The following SALL4 variants were observed in gnomAD, a reference collection of about 807,000 sequenced individuals.
SALL4 encodes spalt like transcription factor 4.
SALL4 carries 4 observed loss-of-function variants against 60.8 expected under a neutral mutation model. The observed-to-expected ratio is 0.07, with a 90% CI of 0.03 to 0.15. The LOEUF is 0.15. Ranked by LOEUF, SALL4 falls within the 10% of genes least tolerant of loss-of-function variation. The pLI is 1.00. For synonymous variants in SALL4, 580 were observed against 574.9 expected (o/e 1.01, Z -0.13); for missense variants, 1,178 against 1,394.7 (o/e 0.84, Z 2.48).
At chr20:51,798,478 T>C (rs2078091864) in intron 1 of SALL4, among the ~76,000 whole-genome samples, 1 of 152,054 alleles carries the variant, frequency 6.6e-6, no homozygotes, top group South Asian at 2.1e-4. Flanking sequence ...GGGGGGATTG[T>C]GGTGACTGGC....
At position 51,783,447 on chromosome 20, in the gene SALL4, G is replaced by A. The variant is rs2077967555; in HGVS notation, c.*818C>T. Reference sequence around the variant, plus strand: ...ACATTCAAAAAAAAACAATAAGATGGGGACAGGGTTGGGGCATATAAAACA... The same window carrying A: ...ACATTCAAAAAAAAACAATAAGATGAGGACAGGGTTGGGGCATATAAAACA... On this transcript the variant is annotated 3_prime_UTR_variant, in exon 4 of 4. Transcript: ENST00000217086. The A allele has an allele frequency of 6.6e-6, 1 of 151,736 alleles. No individual in the cohort carries two copies. The highest frequency in any genetic ancestry group is 6.6e-5 in the Admixed American group (1 of 15,210). 9.4% of individuals were successfully genotyped at this position (151,736 alleles called of 1,614,324 possible). A position where few individuals can be genotyped will look rare whatever the true frequency, so the allele number is the denominator to read the frequency against.
At position 51,788,213 on chromosome 20, in the gene SALL4, T is replaced by C. The variant is rs2078006028; in HGVS notation, c.2742+648A>G. 6.6e-6 allele frequency among the ~76,000 whole-genome samples: 1 copy of C among 152,024 alleles called. No individual in the cohort carries two copies. The highest frequency in any genetic ancestry group is 6.6e-5 in the Admixed American group (1 of 15,236). On this transcript the variant is annotated intron_variant, in intron 3 of 3. Coordinates refer to ENST00000217086, the MANE Select transcript of SALL4 (RefSeq NM_020436.5). This position sits in a 1 kb window ranked among gnomAD's most constrained non-coding sequence, Gnocchi z 4.1. ...CTTTGTTTTCTAAGCTGGAGTGCAGTGGCATGATCACAGATCACTGCAGCC... is the reference window on the plus strand; with the variant it reads ...CTTTGTTTTCTAAGCTGGAGTGCAGCGGCATGATCACAGATCACTGCAGCC...
intron 1 of SALL4, chr20:51,793,098 G>T: frequency 2.8e-6 from 1 of 353,360 alleles, no homozygotes; most frequent in Non-Finnish European, 4.0e-6. Context: ...CATAGTGTGA[G>T]AAATATGCAG....
chr20:51,786,296 G>A (rs867323830), intron 3 of SALL4, among the ~76,000 whole-genome samples: 6 of 150,750 alleles, frequency 4.0e-5, no homozygotes, highest in Non-Finnish European at 5.9e-5. Context: ...GGGTTTCATC[G>A]TGTTAGCCAG....
chr20:51,785,268 T>A (rs1315767048), intron 3 of SALL4, among the ~76,000 whole-genome samples: 1 of 151,960 alleles, frequency 6.6e-6, no homozygotes, highest in East Asian at 1.9e-4. Flanking sequence ...GCCACTGCAC[T>A]CCAGCCTGGG....
At chr20:51,802,188 C>A in intron 1 of SALL4, 91 bp downstream of exon 1, 1 of 1,454,368 alleles carries the variant, frequency 6.9e-7, no homozygotes. Flanking sequence ...TTGCGCTGGA[C>A]GCCGCCCGCT....
intron 3 of SALL4, among the ~76,000 whole-genome samples, chr20:51,785,996 T>G (rs2077989596): frequency 6.6e-6 from 1 of 151,388 alleles, no homozygotes; most frequent in South Asian, 2.1e-4. Context: ...CACAGCTCAC[T>G]GCAGCCTCAA....
At chr20:51,799,785 T>G (rs1376927851) in intron 1 of SALL4, among the ~76,000 whole-genome samples, 1 of 152,208 alleles carries the variant, frequency 6.6e-6, no homozygotes, top group Admixed American at 6.5e-5. Flanking sequence ...ATGCTAATTT[T>G]TCCTGTATGT....
At position 51,791,633 on chromosome 20, in the gene SALL4, G is replaced by A. The variant is rs762363157; in HGVS notation, c.850C>T (p.Leu284=). Residue 284 remains leucine, a synonymous_variant, in exon 2 of 4, where the codon CTG becomes TTG. Coordinates refer to ENST00000217086, the MANE Select transcript of SALL4 (RefSeq NM_020436.5). This position sits in a 1 kb window ranked among gnomAD's most constrained non-coding sequence, Gnocchi z 4.6. ...LLSQKAGSQG[L]SLDALKQAKL... ...GCTTGTTTCAAGGCATCCAGAGACA[G>A]ACCTTGGCTTCCAGCTTTCTGGCTG... The A allele has an allele frequency of 3.8e-5, 61 of 1,613,870 alleles. No individual in the cohort carries two copies. The South Asian group carries it at 6.4e-4, about 17-fold the overall frequency.
chr20:51,801,229 T>C lies in SALL4; in HGVS notation c.130+1050A>G, dbSNP rs1329897250. 6.6e-6 allele frequency among the ~76,000 whole-genome samples: 1 copy of C among 151,778 alleles called. No individual in the cohort carries two copies. The highest frequency in any genetic ancestry group is 1.5e-5 in the Non-Finnish European group (1 of 67,944). On this transcript the variant is annotated intron_variant, in intron 1 of 3. Coordinates refer to ENST00000217086, the MANE Select transcript of SALL4 (RefSeq NM_020436.5). This position sits in a 1 kb window ranked among gnomAD's most constrained non-coding sequence, Gnocchi z 5.2. Reference sequence around the variant, plus strand: ...CGCTCCTAAAACCTCCGCGGTGAAGTGATGAAGTGGGAACAGAGTTGGCCC... The same window carrying C: ...CGCTCCTAAAACCTCCGCGGTGAAGCGATGAAGTGGGAACAGAGTTGGCCC...
At position 51,788,509 on chromosome 20, in the gene SALL4, T is replaced by A. The variant is rs1601166413; in HGVS notation, c.2742+352A>T. Among the ~76,000 whole-genome samples the A allele has an allele frequency of 6.6e-6, 1 of 151,692 alleles. No individual in the cohort carries two copies. Among genetic ancestry groups the A allele is most frequent in the Admixed American group, 6.6e-5 (1 of 15,192 alleles). ...ATCGAGACCATCCTGGCTAACGCGG[T>A]GAAACCCCACCTCTACTAAAAATAC... On this transcript the variant is annotated intron_variant, in intron 3 of 3. Coordinates refer to ENST00000217086, the MANE Select transcript of SALL4 (RefSeq NM_020436.5). The surrounding 1 kb of genome is among the most constrained non-coding windows in gnomAD (Gnocchi z 4.1).
intron 1 of SALL4, among the ~76,000 whole-genome samples, chr20:51,800,149 G>C (rs981537102): frequency 6.6e-6 from 1 of 152,156 alleles, no homozygotes; most frequent in African/African-American, 2.4e-5. Context: ...ACTTGGCAAA[G>C]AACAGCGGGC....
At chr20:51,794,698 ATT>A (rs1279032768) in intron 1 of SALL4, among the ~76,000 whole-genome samples, 1 of 152,208 alleles carries the variant, frequency 6.6e-6, no homozygotes, top group Non-Finnish European at 1.5e-5. Flanking sequence ...ATTCTAAACA[ATT>A]TGTTATATTA....
chr20:51,796,890 C>G (rs539080322), intron 1 of SALL4, among the ~76,000 whole-genome samples: 1 of 152,206 alleles, frequency 6.6e-6, no homozygotes, highest in African/African-American at 2.4e-5. Flanking sequence ...ATACATTTAT[C>G]TCCTTTGGAA....
Position 51,792,364 on chromosome 20 carries a change from C to A in SALL4, c.131-12G>T, listed in dbSNP as rs1316189353. 4.4e-6 allele frequency: 7 copies of A among 1,600,746 alleles called. No homozygotes were observed. The African/African-American group carries it at 9.4e-5, about 21-fold the overall frequency. On this transcript the variant is annotated splice_polypyrimidine_tract_variant and intron_variant, in intron 1 of 3. Coordinates refer to ENST00000217086, the MANE Select transcript of SALL4 (RefSeq NM_020436.5). ...GTTCACTGGAGCACCTGTAACAAGA[C>A]AGAAAAAGCTAAGGACTCTGCCCAA...
chr20:51,791,257 G>A lies in SALL4; in HGVS notation c.1226C>T (p.Pro409Leu). ...IHLRSHTGER[P>L]FVCSVCGHRF... Reference sequence around the variant, plus strand: ...ATGACCACAGACAGAGCACACGAAGGGTCTCTCTCCAGTGTGGGAGCGGAG... The same window carrying A: ...ATGACCACAGACAGAGCACACGAAGAGTCTCTCTCCAGTGTGGGAGCGGAG... The change falls in exon 2 of 4, where the codon CCC (proline) becomes CTC (leucine). Residue 409 changes from proline (P) to leucine (L), a missense_variant. Physicochemically the swap from Pro to Leu is moderately conservative, Grantham distance 98. Transcript: ENST00000217086. This position sits in a 1 kb window ranked among gnomAD's most constrained non-coding sequence, Gnocchi z 4.6. 6.2e-7 allele frequency: 1 copy of A among 1,614,092 alleles called. No homozygotes were observed. Among genetic ancestry groups the A allele is most frequent in the Non-Finnish European group, 8.5e-7 (1 of 1,180,030 alleles).
At chr20:51,795,669 CGA>C (rs566253888) in intron 1 of SALL4, among the ~76,000 whole-genome samples, 185 of 152,218 alleles carry the variant, frequency 1.2e-3, no homozygotes, top group Non-Finnish European at 2.0e-3. Context: ...GCTGCTGGTA[CGA>C]GTGTATAGAC....
Position 51,783,622 on chromosome 20 carries a change from C to T in SALL4, c.*643G>A, listed in dbSNP as rs1157349688. ...AACGATTCTACCTTGAAATAGGTAA[C>T]AGTCTTTGGAAAAAGTCACTCTAGG... On this transcript the variant is annotated 3_prime_UTR_variant, in exon 4 of 4. Coordinates refer to ENST00000217086, the MANE Select transcript of SALL4 (RefSeq NM_020436.5). The T allele has an allele frequency of 1.3e-5, 2 of 152,442 alleles. No individual in the cohort carries two copies. The highest frequency in any genetic ancestry group is 2.9e-5 in the Non-Finnish European group (2 of 68,674). 9.4% of individuals were successfully genotyped at this position (152,442 alleles called of 1,614,324 possible). A position where few individuals can be genotyped will look rare whatever the true frequency, so the allele number is the denominator to read the frequency against.
At chr20:51,798,874 AC>A (rs200588715) in intron 1 of SALL4, among the ~76,000 whole-genome samples, 4 of 149,942 alleles carry the variant, frequency 2.7e-5, no homozygotes, top group Non-Finnish European at 4.4e-5. Context: ...ACAAAACAAA[AC>A]AAAAAAAACA....
Sources: gnomAD v4.1 joint callset for allele counts (sites outside exome capture counted in the v4.1 genomes callset) on GRCh38, gnomAD v4.1.1 for gene constraint, Gnocchi (gnomAD v3.1) non-coding constraint, MANE v1.5 for transcripts, NCBI Gene and HGNC (gene_info 2026-07-23, HGNC 2026-07-21) for gene names.